PCDHGA8: variants seen among roughly 807,000 people sequenced by gnomAD.
PCDHGA8 encodes protocadherin gamma-A8.
Under a neutral mutation model 59.2 loss-of-function variants are expected in PCDHGA8, and 45 were observed. The ratio of observed to expected loss-of-function variants is 0.76; its 90% CI spans 0.60 to 0.98. The LOEUF is 0.98. Among genes scored for constraint, PCDHGA8 ranks in the 50% least tolerant of loss-of-function variants. PCDHGA8 has a pLI of 0.00. For missense variants in PCDHGA8, 1,257 were observed against 1,196.2 expected, an observed-to-expected ratio of 1.05 and a Z score of -0.75; for synonymous variants, 531 against 519.0, an observed-to-expected ratio of 1.02 and a Z score of -0.32.
At position 141,490,479 on chromosome 5, in the gene PCDHGA8, C is replaced by T; in HGVS notation, c.2425-4328C>T. 11 of 1,614,216 alleles carry T rather than the reference C, an allele frequency of 6.8e-6. No homozygotes were observed. Among genetic ancestry groups the T allele is most frequent in the Non-Finnish European group, 9.3e-6 (11 of 1,180,032 alleles). ...CGCTGCTAACCAGCCAGCCTTTGGACCGGGAGGCCACATCCCACTATATCA... is the reference window on the plus strand; with the variant it reads ...CGCTGCTAACCAGCCAGCCTTTGGATCGGGAGGCCACATCCCACTATATCA... On this transcript the variant is annotated intron_variant, in intron 1 of 3. Coordinates refer to ENST00000398604, the MANE Select transcript of PCDHGA8 (RefSeq NM_032088.2). This position sits in a 1 kb window ranked among gnomAD's most constrained non-coding sequence, Gnocchi z 5.4.
At chr5:141,403,574 C>A (rs1441332710) in intron 1 of PCDHGA8, 1 of 1,613,960 alleles carries the variant, frequency 6.2e-7, no homozygotes, top group Admixed American at 1.7e-5. Flanking sequence ...GGCAACTGCC[C>A]ACCACCTGGT....
chr5:141,468,899 T>C (rs1051519139), intron 1 of PCDHGA8, among the ~76,000 whole-genome samples: 2 of 151,550 alleles, frequency 1.3e-5, no homozygotes, highest in Non-Finnish European at 2.9e-5. Flanking sequence ...GGTACTAATA[T>C]GATCCAGACT....
intron 1 of PCDHGA8, among the ~76,000 whole-genome samples, chr5:141,481,913 CAAAAA>C (rs34114744): frequency 1.1e-5 from 1 of 90,852 alleles, no homozygotes; most frequent in Non-Finnish European, 2.2e-5. Flanking sequence ...AACTCCATCT[CAAAAA>C]AAAAAAAAAA....
chr5:141,484,277 G>T (rs1026083889), intron 1 of PCDHGA8, among the ~76,000 whole-genome samples: 1 of 152,126 alleles, frequency 6.6e-6, no homozygotes, highest in South Asian at 2.1e-4. Context: ...TTACTGTTTT[G>T]AAACATCTCC....
In PCDHGA8 at chr5:141,393,356, C is replaced by G. The variant is rs1174239790; in HGVS notation, c.543C>G (p.Asp181Glu). 3 of 1,613,978 alleles carry G rather than the reference C, an allele frequency of 1.9e-6. No homozygotes were observed. The highest frequency in any genetic ancestry group is 2.2e-5 in the East Asian group (1 of 44,870). ...GCCCCAATCACCACTTCTCCCTGGA[C>G]GTGCAGACTGGAGACAATGGAGCCA... Reference protein sequence around the residue: ...QLSPNHHFSLDVQTGDNGAIN... With the variant: ...QLSPNHHFSLEVQTGDNGAIN... The change falls in exon 1 of 4, where the codon GAC becomes GAG. Residue 181 changes from aspartate to glutamate, a missense_variant. Transcript: ENST00000398604.
chr5:141,432,632 G>A lies in PCDHGA8; in HGVS notation c.2424+37395G>A. 3.7e-6 allele frequency: 6 copies of A among 1,612,834 alleles called. No individual in the cohort carries two copies. The highest frequency in any genetic ancestry group is 5.1e-6 in the Non-Finnish European group (6 of 1,179,706). On this transcript the variant is annotated intron_variant, in intron 1 of 3. Coordinates refer to ENST00000398604, the MANE Select transcript of PCDHGA8 (RefSeq NM_032088.2). The surrounding 1 kb of genome is among the most constrained non-coding windows in gnomAD (Gnocchi z 6.0). ...CTTCTCGGTGGGTCTGCACACGGGC[G>A]AGGTGCGCACGGCGCGAGCCCTGCT...
rs1457243337 is a variant in PCDHGA8 at position 141,493,567 on chromosome 5, C to T, written c.2425-1240C>T. Reference sequence around the variant, plus strand: ...TTTGGAGATTGAGTTCCCCCAGCTCCGTTTCCTCCTATCACAATCACTGCA... The same window carrying T: ...TTTGGAGATTGAGTTCCCCCAGCTCTGTTTCCTCCTATCACAATCACTGCA... On this transcript the variant is annotated intron_variant, in intron 1 of 3. Transcript: ENST00000398604. This position sits in a 1 kb window ranked among gnomAD's most constrained non-coding sequence, Gnocchi z 4.3. Among the ~76,000 whole-genome samples, 3 of 152,266 alleles carry T rather than the reference C, an allele frequency of 2.0e-5. No individual in the cohort carries two copies. The highest frequency in any genetic ancestry group is 4.4e-5 in the Non-Finnish European group (3 of 68,018).
chr5:141,491,507 C>A lies in PCDHGA8; in HGVS notation c.2425-3300C>A, dbSNP rs755899622. 1.9e-6 allele frequency: 3 copies of A among 1,614,038 alleles called. No individual in the cohort carries two copies. The highest frequency in any genetic ancestry group is 1.6e-4 in the Middle Eastern group (1 of 6,062). Reference sequence around the variant, plus strand: ...AACCTGCAGGTGAGCTCGGACGGCACGCTCAAGTACATGGAGGTGACGCTG... The same window carrying A: ...AACCTGCAGGTGAGCTCGGACGGCAAGCTCAAGTACATGGAGGTGACGCTG... On this transcript the variant is annotated intron_variant, in intron 1 of 3. Transcript: ENST00000398604. The surrounding 1 kb of genome is among the most constrained non-coding windows in gnomAD (Gnocchi z 6.9).
intron 1 of PCDHGA8, among the ~76,000 whole-genome samples, chr5:141,460,807 A>G (rs2098998307): frequency 6.6e-6 from 1 of 151,962 alleles, no homozygotes; most frequent in Non-Finnish European, 1.5e-5. Context: ...ATATATATGT[A>G]TGTATACATA....
chr5:141,488,633 A>G (rs2099677537), intron 1 of PCDHGA8, among the ~76,000 whole-genome samples: 1 of 152,174 alleles, frequency 6.6e-6, no homozygotes, highest in South Asian at 2.1e-4. Context: ...TCACCTTAGC[A>G]GCATTCAGCA....
chr5:141,394,393 A>G lies in PCDHGA8; in HGVS notation c.1580A>G (p.Asp527Gly), dbSNP rs201461446. ...TCTTTCGACTATGAGCAGATCCGAG[A>G]CCTGCAGCTACTGGTAACAGCCAGC... ...LQSFDYEQIR[D>G]LQLLVTASDS... The change falls in exon 1 of 4, where the codon GAC becomes GGC. Residue 527 changes from aspartate to glycine, a missense_variant. By Grantham distance (94) the Asp-to-Gly change is moderately conservative. Coordinates refer to ENST00000398604, the MANE Select transcript of PCDHGA8 (RefSeq NM_032088.2). The G allele has an allele frequency of 4.3e-4, 696 of 1,614,048 alleles. No individual in the cohort carries two copies. The highest frequency in any genetic ancestry group is 5.7e-4 in the Non-Finnish European group (671 of 1,180,036).
chr5:141,416,859 G>A (rs1411419006), intron 1 of PCDHGA8: 1 of 151,936 alleles, frequency 6.6e-6, no homozygotes, highest in South Asian at 2.1e-4. Context: ...ATTTTTTTCA[G>A]GTCAGTCAAC....
intron 1 of PCDHGA8, chr5:141,395,542 TTGTG>T (rs55729045): frequency 0.22 from 37,255 of 170,042 alleles, 4,387 homozygotes; most frequent in East Asian, 0.36. Flanking sequence ...TTGCTATTGT[TTGTG>T]TGTGTGTGTG....
At position 141,400,101 on chromosome 5, in the gene PCDHGA8, G is replaced by A. The variant is rs778391200; in HGVS notation, c.2424+4864G>A. The A allele has an allele frequency of 8.1e-6, 13 of 1,613,948 alleles. No homozygotes were observed. The East Asian group carries it at 2.9e-4, about 36-fold the overall frequency. ...TCTCCGCCACCGCCACGCTGCACTT[G>A]GTCTTTGCTGACAGCTTGCAGGAGG... On this transcript the variant is annotated intron_variant, in intron 1 of 3. Coordinates refer to ENST00000398604, the MANE Select transcript of PCDHGA8 (RefSeq NM_032088.2).
intron 1 of PCDHGA8, chr5:141,471,645 T>G (rs891817778): frequency 1.3e-5 from 2 of 152,178 alleles, no homozygotes; most frequent in Non-Finnish European, 2.9e-5. Context: ...AGTAATATAC[T>G]GGATGTGGGG....
intron 1 of PCDHGA8, chr5:141,410,374 G>A: frequency 6.2e-7 from 1 of 1,613,976 alleles, no homozygotes; most frequent in Non-Finnish European, 8.5e-7. Flanking sequence ...CTGCTACTTG[G>A]GACTGCTTCC....
chr5:141,468,180 C>T (rs1053758210), intron 1 of PCDHGA8, among the ~76,000 whole-genome samples: 4 of 151,744 alleles, frequency 2.6e-5, no homozygotes, highest in Non-Finnish European at 5.9e-5. Context: ...GAAAAATTTG[C>T]TGGGCATGGT....
At chr5:141,475,218 A>G (rs2154572291) in intron 1 of PCDHGA8, among the ~76,000 whole-genome samples, 1 of 152,326 alleles carries the variant, frequency 6.6e-6, no homozygotes, top group African/African-American at 2.4e-5. Flanking sequence ...GGATTGATCA[A>G]GTAAAGGGAA....
At position 141,491,765 on chromosome 5, in the gene PCDHGA8, A is replaced by C; in HGVS notation, c.2425-3042A>C. 1 of 1,569,230 alleles carries C rather than the reference A, an allele frequency of 6.4e-7. No homozygotes were observed. On this transcript the variant is annotated intron_variant, in intron 1 of 3. Coordinates refer to ENST00000398604, the MANE Select transcript of PCDHGA8 (RefSeq NM_032088.2). This position sits in a 1 kb window ranked among gnomAD's most constrained non-coding sequence, Gnocchi z 6.9. The stretch of plus-strand genomic sequence containing the variant: ...GGCACTGGAGAAGCCGCCCGTCCTC[A>C]TAAGGGATTGAACTTGCATCCACTC...
Sources: allele counts gnomAD v4.1 joint callset (sites outside exome capture counted in the v4.1 genomes callset), GRCh38; gene constraint gnomAD v4.1.1; non-coding constraint Gnocchi (gnomAD v3.1); transcripts MANE v1.5; gene names NCBI Gene and HGNC (gene_info 2026-07-23, HGNC 2026-07-21).